Variants in JPH3 observed in about 807,000 individuals in gnomAD.
JPH3 encodes junctophilin 3.
JPH3 carries 11 observed loss-of-function variants against 59.6 expected under a neutral mutation model. The observed-to-expected ratio is 0.18, with a 90% CI of 0.12 to 0.31. The LOEUF (loss-of-function observed/expected upper bound fraction) is 0.31. Ranked by LOEUF, JPH3 falls within the 10% of genes least tolerant of loss-of-function variation. The probability of loss-of-function intolerance (pLI) is 1.00; values close to 1 mark genes in which losing one functional copy is unlikely to be tolerated. For synonymous variants in JPH3, 673 were observed against 483.6 expected (o/e 1.39, Z -5.14); for missense variants, 1,202 against 1,105.7 (o/e 1.09, Z -1.24).
At chr16:87,644,013 C>T (rs1196497282) in intron 1 of JPH3, among the ~76,000 whole-genome samples, 1 of 152,232 alleles carries the variant, frequency 6.6e-6, no homozygotes, top group Non-Finnish European at 1.5e-5. Context: ...TGGTGCACGC[C>T]TGTAGTCCCA....
chr16:87,629,270 G>T (rs2031484772), intron 1 of JPH3, among the ~76,000 whole-genome samples: 1 of 152,046 alleles, frequency 6.6e-6, no homozygotes, highest in Non-Finnish European at 1.5e-5. Context: ...TGCTGCGGTG[G>T]CTCATGAAGG....
chr16:87,613,096 T>TC (rs1491112042), intron 1 of JPH3, among the ~76,000 whole-genome samples: 487 of 48,066 alleles, frequency 0.01, 5 homozygotes, highest in Middle Eastern at 0.035. Flanking sequence ...TTTCTTTCTC[T>TC]TTTTTTTTTT....
At chr16:87,613,582 A>G (rs1383904533) in intron 1 of JPH3, among the ~76,000 whole-genome samples, 2 of 152,130 alleles carry the variant, frequency 1.3e-5, no homozygotes, top group Non-Finnish European at 2.9e-5. Context: ...CAGCCTCTCA[A>G]AGTGCTGGGA....
intron 1 of JPH3, among the ~76,000 whole-genome samples, chr16:87,618,865 G>A (rs531355579): frequency 1.3e-5 from 2 of 152,320 alleles, no homozygotes; most frequent in African/African-American, 4.8e-5. Flanking sequence ...GAGGTGGGCA[G>A]ATCACCTGAG....
chr16:87,650,274 G>A (rs1369880521), intron 2 of JPH3, among the ~76,000 whole-genome samples: 1 of 152,204 alleles, frequency 6.6e-6, no homozygotes, highest in Non-Finnish European at 1.5e-5. Flanking sequence ...GAGGTTACTA[G>A]TGTGGTTATT....
chr16:87,664,237 A>G (rs1007693718), intron 2 of JPH3, among the ~76,000 whole-genome samples: 4 of 151,530 alleles, frequency 2.6e-5, no homozygotes, highest in Admixed American at 2.0e-4. Context: ...AGGCTGAGGC[A>G]GGAGAATGGC....
At chr16:87,688,301 G>C (rs1230181642) in intron 3 of JPH3, among the ~76,000 whole-genome samples, 1 of 152,204 alleles carries the variant, frequency 6.6e-6, no homozygotes, top group Non-Finnish European at 1.5e-5. Context: ...GCCTCGCTCT[G>C]CTCAGCACTG....
intron 3 of JPH3, among the ~76,000 whole-genome samples, chr16:87,686,122 C>A (rs906153462): frequency 6.6e-6 from 1 of 152,220 alleles, no homozygotes; most frequent in African/African-American, 2.4e-5. Context: ...ACACCTGGAT[C>A]ACGGCTTCTA....
chr16:87,646,343 C>T lies in JPH3; in HGVS notation c.1160+1308C>T, dbSNP rs1409919512. On this transcript the variant is annotated intron_variant, in intron 2 of 4. Coordinates refer to ENST00000284262, the MANE Select transcript of JPH3 (RefSeq NM_020655.4). ...GTTTTAGAGGGAATCAAGATCGATT[C>T]CAAGAAGCTGAAAGAAACATGGAAT... is the stretch of plus-strand genomic sequence containing the variant. 2.6e-5 allele frequency among the ~76,000 whole-genome samples: 4 copies of T among 152,200 alleles called. No homozygotes were observed. The East Asian group carries it at 7.7e-4, about 29-fold the overall frequency.
chr16:87,648,504 A>G (rs575215410), intron 2 of JPH3, among the ~76,000 whole-genome samples: 194 of 152,174 alleles, frequency 1.3e-3, no homozygotes, highest in African/African-American at 4.5e-3. Context: ...GCGTGAAGTG[A>G]GAAACGGTTT....
At chr16:87,689,624 G>T in intron 3 of JPH3, 22 bp from the exon 4 acceptor site, 1 of 1,607,938 alleles carries the variant, frequency 6.2e-7, no homozygotes, top group Admixed American at 1.7e-5. Flanking sequence ...GCCGTCTGGC[G>T]TCGTCTTGTG....
intron 2 of JPH3, among the ~76,000 whole-genome samples, chr16:87,672,077 C>T (rs1426927165): frequency 1.3e-5 from 2 of 152,038 alleles, no homozygotes; most frequent in Admixed American, 1.3e-4. Context: ...GGGGTCTAGG[C>T]TCCTCGCCGG....
At chr16:87,664,746 G>A (rs77718991) in intron 2 of JPH3, among the ~76,000 whole-genome samples, 2,190 of 152,266 alleles carry the variant, frequency 0.014, 16 homozygotes, top group Non-Finnish European at 0.018. Context: ...TCCTTGCTGC[G>A]GTGTGGGGGT....
intron 4 of JPH3, among the ~76,000 whole-genome samples, chr16:87,691,044 G>A (rs998559903): frequency 3.3e-5 from 5 of 151,892 alleles, no homozygotes; most frequent in African/African-American, 7.3e-5. Flanking sequence ...CGGCTCCCAC[G>A]TGAGGCCCGC....
At chr16:87,651,139 A>G (rs2032314317) in intron 2 of JPH3, among the ~76,000 whole-genome samples, 1 of 152,236 alleles carries the variant, frequency 6.6e-6, no homozygotes, top group Non-Finnish European at 1.5e-5. Context: ...GTGCTCTAGA[A>G]ATGGAACAAC....
At position 87,616,477 on chromosome 16, in the gene JPH3, C is replaced by T. The variant is rs1038932185; in HGVS notation, c.382+12949C>T. 6.0e-5 allele frequency among the ~76,000 whole-genome samples: 9 copies of T among 151,062 alleles called. No homozygotes were observed. The East Asian group carries it at 1.7e-3, about 29-fold the overall frequency. ...GTGTTAGCCAGGATGGTCTTGATCT[C>T]CTGACCTCGTGATCCGCCCACCTCG... On this transcript the variant is annotated intron_variant, in intron 1 of 4. Transcript: ENST00000284262.
intron 2 of JPH3, chr16:87,654,868 C>T (rs1229890996): frequency 6.6e-6 from 1 of 152,300 alleles, no homozygotes; most frequent in Non-Finnish European, 1.5e-5. Flanking sequence ...AGCGACCACT[C>T]GGCCCGGCGT....
In JPH3 at chr16:87,655,460, C is replaced by T. The variant is rs138874086; in HGVS notation, c.1160+10425C>T. Among the ~76,000 whole-genome samples, 221 of 152,276 alleles carry T rather than the reference C, an allele frequency of 1.5e-3. 1 individual carries two copies. The highest frequency in any genetic ancestry group is 5.1e-3 in the African/African-American group (212 of 41,550). On this transcript the variant is annotated intron_variant, in intron 2 of 4. Transcript: ENST00000284262. ...CCTCGATCTCCTGAGCTCAAACGAT[C>T]CTCCCACCTCAGCCTCCTGAGTAGC...
chr16:87,610,585 C>G (rs981833262), intron 1 of JPH3, among the ~76,000 whole-genome samples: 1 of 152,130 alleles, frequency 6.6e-6, no homozygotes, highest in African/African-American at 2.4e-5. Context: ...TGTTTCATTG[C>G]AAGACCTTAG....
Sources: allele counts gnomAD v4.1 joint callset (sites outside exome capture counted in the v4.1 genomes callset), GRCh38; gene constraint gnomAD v4.1.1; transcripts MANE v1.5; gene names NCBI Gene and HGNC (gene_info 2026-07-23, HGNC 2026-07-21).